Variants in FSHR observed in about 807,000 individuals in gnomAD.
FSHR encodes the protein follicle-stimulating hormone receptor.
In FSHR, 46 loss-of-function variants were observed where a neutral mutation model predicts 52.1. The observed-to-expected ratio is 0.88, with a 90% CI of 0.70 to 1.13. The LOEUF (loss-of-function observed/expected upper bound fraction) is 1.13, where lower values mean the gene tolerates loss of function less well. Among genes scored for constraint, FSHR ranks in the 50% most tolerant of loss-of-function variants. The pLI is 0.00. For missense variants in FSHR, 964 were observed against 834.6 expected (o/e 1.16, Z -1.91); for synonymous variants, 399 against 309.6 (o/e 1.29, Z -3.03).
At chr2:49,009,178 T>C (rs1667179630) in intron 4 of FSHR, among the ~76,000 whole-genome samples, 1 of 151,776 alleles carries the variant, frequency 6.6e-6, no homozygotes, top group Non-Finnish European at 1.5e-5. Flanking sequence ...TTTAAGTCTT[T>C]AATCCATCTT....
rs1344384155 is a variant in FSHR at position 48,986,792 on chromosome 2, G to T, written c.524+2185C>A. Among the ~76,000 whole-genome samples the T allele has an allele frequency of 2.6e-5, 4 of 152,100 alleles. No individual in the cohort carries two copies. In the South Asian group the frequency reaches 8.3e-4, roughly 32 times the overall value. ...CCTCAGGTTCTTTGCCTCTAGTTGG[G>T]GAGAGTTGAGACCAGGTCACTTAAA... On this transcript the variant is annotated intron_variant, in intron 6 of 9. Transcript: ENST00000406846.
At chr2:49,080,841 C>G (rs1170434101) in intron 1 of FSHR, among the ~76,000 whole-genome samples, 1 of 152,106 alleles carries the variant, frequency 6.6e-6, no homozygotes, top group Non-Finnish European at 1.5e-5. Context: ...TCCATACTCC[C>G]AGCCATCTCC....
chr2:49,107,115 C>A (rs549283088), intron 1 of FSHR, among the ~76,000 whole-genome samples: 2 of 152,276 alleles, frequency 1.3e-5, no homozygotes, highest in South Asian at 4.1e-4. Context: ...CATTTATGAA[C>A]AATTCCTGTA....
At chr2:48,993,047 G>A (rs1002562025) in intron 4 of FSHR, among the ~76,000 whole-genome samples, 1 of 151,794 alleles carries the variant, frequency 6.6e-6, no homozygotes, top group Admixed American at 6.6e-5. Context: ...TTTCGTTTCT[G>A]CTCCTTCTCC....
At chr2:49,039,175 G>A (rs6545094) in intron 2 of FSHR, among the ~76,000 whole-genome samples, 61,622 of 151,992 alleles carry the variant, frequency 0.41, 12,687 homozygotes, top group East Asian at 0.45. Context: ...GCTGCACTCA[G>A]TAGATTCTTT....
chr2:48,973,609 T>A (rs942929374), intron 8 of FSHR, among the ~76,000 whole-genome samples: 1 of 152,246 alleles, frequency 6.6e-6, no homozygotes, highest in African/African-American at 2.4e-5. Flanking sequence ...TTTCTGCCTC[T>A]TTTACCACTG....
At chr2:49,005,049 T>C (rs936669247) in intron 4 of FSHR, among the ~76,000 whole-genome samples, 5 of 151,754 alleles carry the variant, frequency 3.3e-5, no homozygotes, top group African/African-American at 1.2e-4. Flanking sequence ...TTCAGGTTCC[T>C]CTTTCAAAAA....
intron 1 of FSHR, among the ~76,000 whole-genome samples, chr2:49,082,433 G>C (rs1670209444): frequency 1.3e-5 from 2 of 152,166 alleles, no homozygotes; most frequent in South Asian, 2.1e-4. Flanking sequence ...CTAAAAAGCA[G>C]AGCGACTCTC....
rs139241941 is a variant in FSHR, at chr2:48,975,378, A to G, written c.669-6495T>C. Among the ~76,000 whole-genome samples the G allele has an allele frequency of 1.0e-3, 153 of 152,044 alleles. 1 individual carries two copies. Among genetic ancestry groups the G allele is most frequent in the African/African-American group, 3.3e-3 (138 of 41,476 alleles). On this transcript the variant is annotated intron_variant, in intron 8 of 9. Transcript: ENST00000406846. Reference sequence around the variant, plus strand: ...TCCCTGGTTCTCAGGCCTCTTCCCAATCCAACACCTGAACACTGGATGGTG... The same window carrying G: ...TCCCTGGTTCTCAGGCCTCTTCCCAGTCCAACACCTGAACACTGGATGGTG...
chr2:49,107,979 G>A (rs548482519), intron 1 of FSHR, among the ~76,000 whole-genome samples: 27 of 152,254 alleles, frequency 1.8e-4, no homozygotes, highest in African/African-American at 6.0e-4. Context: ...GATGCCCAGT[G>A]CAAACATTGT....
intron 1 of FSHR, among the ~76,000 whole-genome samples, chr2:49,124,456 G>T (rs1671930658): frequency 6.6e-6 from 1 of 152,094 alleles, no homozygotes; most frequent in Non-Finnish European, 1.5e-5. Context: ...AGTATAAAGA[G>T]CTGTCTTTCC....
At chr2:49,006,671 C>T (rs1384021789) in intron 4 of FSHR, among the ~76,000 whole-genome samples, 3 of 152,138 alleles carry the variant, frequency 2.0e-5, no homozygotes, top group African/African-American at 7.2e-5. Flanking sequence ...GGCACAGGGT[C>T]AGTCTTCTCA....
At chr2:49,104,332 A>G (rs1189011545) in intron 1 of FSHR, among the ~76,000 whole-genome samples, 1 of 152,062 alleles carries the variant, frequency 6.6e-6, no homozygotes, top group Non-Finnish European at 1.5e-5. Context: ...TTGGGTGGAA[A>G]TAGGTGATGC....
At chr2:48,982,467 G>A (rs1194608929) in intron 8 of FSHR, among the ~76,000 whole-genome samples, 1 of 152,136 alleles carries the variant, frequency 6.6e-6, no homozygotes, top group Non-Finnish European at 1.5e-5. Context: ...TCCTTTCCAG[G>A]GAAGAGACAC....
intron 1 of FSHR, among the ~76,000 whole-genome samples, chr2:49,104,401 G>A (rs529557415): frequency 1.2e-4 from 19 of 152,176 alleles, no homozygotes; most frequent in South Asian, 2.1e-4. Flanking sequence ...TCCTTTGTTC[G>A]GTCAGAGTTC....
intron 1 of FSHR, among the ~76,000 whole-genome samples, chr2:49,102,603 T>C (rs1004224174): frequency 2.6e-5 from 4 of 152,266 alleles, no homozygotes; most frequent in Admixed American, 2.6e-4. Flanking sequence ...GCTCTGAAAG[T>C]GAGTGCTGAA....
At chr2:49,093,979 C>T (rs911563120) in intron 1 of FSHR, among the ~76,000 whole-genome samples, 7 of 152,142 alleles carry the variant, frequency 4.6e-5, no homozygotes, top group African/African-American at 1.7e-4. Context: ...CTGGTGTCTT[C>T]AGATCATTTA....
intron 1 of FSHR, among the ~76,000 whole-genome samples, chr2:49,129,913 T>G (rs978986901): frequency 4.6e-5 from 7 of 152,158 alleles, no homozygotes; most frequent in Non-Finnish European, 1.0e-4. Flanking sequence ...ATTAGGACAA[T>G]TTATAATTTC....
At chr2:49,026,967 T>C (rs565063199) in intron 2 of FSHR, among the ~76,000 whole-genome samples, 3 of 152,290 alleles carry the variant, frequency 2.0e-5, no homozygotes, top group African/African-American at 7.2e-5. Context: ...ACCTGAGGGA[T>C]ACATGTTTTG....
Sources: gnomAD v4.1 joint callset for allele counts (sites outside exome capture counted in the v4.1 genomes callset) on GRCh38, gnomAD v4.1.1 for gene constraint, MANE v1.5 for transcripts, NCBI Gene and HGNC (gene_info 2026-07-23, HGNC 2026-07-21) for gene names.